TMEM230: variants seen among roughly 807,000 people sequenced by gnomAD.
The protein encoded by TMEM230 is UPF0414 transmembrane protein C20orf30.
A neutral mutation model predicts 15.8 loss-of-function variants in TMEM230; 10 were observed. That is an observed-to-expected ratio of 0.63 (90% CI 0.39 to 1.07). The LOEUF is 1.07. TMEM230 is among the 50% of genes least tolerant of loss of function. The probability of loss-of-function intolerance (pLI) is 0.01; values close to 1 mark genes in which losing one functional copy is unlikely to be tolerated. For missense variants in TMEM230, 165 were observed against 193.3 expected (o/e 0.85, Z 0.87); for synonymous variants, 67 against 76.9 (o/e 0.87, Z 0.68).
At chr20:5,060,323 G>A in the TMEM230 span, among the ~76,000 whole-genome samples, 1 of 146,130 alleles carries the variant, frequency 6.8e-6, no homozygotes, top group Non-Finnish European at 1.5e-5. Context: ...ATGTTATACA[G>A]TGTATTGTCT....
intron 3 of TMEM230, 87 bp downstream of exon 2, chr20:5,109,245 G>T: frequency 1.9e-6 from 2 of 1,054,770 alleles, no homozygotes; most frequent in Non-Finnish European, 2.8e-6. Flanking sequence ...CCCAAGGACA[G>T]TTAGCAAAAT....
chr20:5,106,325 G>C lies in TMEM230; in HGVS notation c.289-15C>G. ...GTTTTCTTAAACTGGAAGAGAAATA[G>C]AGATGAAAAAGACAACGAAGAACAT... is the stretch of plus-strand genomic sequence containing the variant. On this transcript the variant is annotated splice_polypyrimidine_tract_variant and intron_variant, in intron 3 of 4. Coordinates refer to ENST00000342308, the MANE Select transcript of TMEM230 (RefSeq NM_001009923.2). 2 of 1,587,564 alleles carry C rather than the reference G, an allele frequency of 1.3e-6. No homozygotes were observed. The highest frequency in any genetic ancestry group is 1.7e-6 in the Non-Finnish European group (2 of 1,171,522).
intron 1 of TMEM230, among the ~76,000 whole-genome samples, chr20:5,112,157 T>C (rs1311185698): frequency 1.3e-5 from 2 of 152,272 alleles, no homozygotes; most frequent in African/African-American, 2.4e-5. Flanking sequence ...CTGTTTTACG[T>C]GGCTTGCAGT....
chr20:5,101,422 C>CT (rs202121194), intron 4 of TMEM230, among the ~76,000 whole-genome samples: 1 of 151,988 alleles, frequency 6.6e-6, no homozygotes, highest in Non-Finnish European at 1.5e-5. Context: ...TTTTCTTTCT[C>CT]TTTTTTCTTT....
chr20:5,081,550 C>T (rs2089174931), intron 3 of TMEM230, among the ~76,000 whole-genome samples: 1 of 152,194 alleles, frequency 6.6e-6, no homozygotes, highest in Non-Finnish European at 1.5e-5. Context: ...ACACACGCCA[C>T]CTAAAGCTCC....
downstream of TMEM230, among the ~76,000 whole-genome samples, chr20:5,098,764 C>T (rs1279784167): frequency 6.6e-6 from 1 of 151,828 alleles, no homozygotes; most frequent in Non-Finnish European, 1.5e-5. Context: ...AAGAATATGA[C>T]TGATCTCCAT....
chr20:5,089,795 G>C (rs111433810), intron 3 of TMEM230, among the ~76,000 whole-genome samples: 1 of 152,012 alleles, frequency 6.6e-6, no homozygotes, highest in East Asian at 1.9e-4. Flanking sequence ...TTGGGAGGAC[G>C]AGACCTGAGG....
intron 3 of TMEM230, among the ~76,000 whole-genome samples, chr20:5,092,486 C>T (rs533232374): frequency 1.3e-5 from 2 of 152,108 alleles, no homozygotes; most frequent in African/African-American, 4.8e-5. Context: ...GGGAGGCCGA[C>T]GCAGGCGGAT....
downstream of TMEM230, among the ~76,000 whole-genome samples, chr20:5,096,062 C>G (rs1314510404): frequency 6.6e-6 from 1 of 152,198 alleles, no homozygotes; most frequent in African/African-American, 2.4e-5. Context: ...TCACACCCTC[C>G]GTCAGCAGCT....
chr20:5,090,715 CAATATT>C (rs1416768647), intron 3 of TMEM230, among the ~76,000 whole-genome samples: 3 of 139,558 alleles, frequency 2.1e-5, no homozygotes, highest in African/African-American at 5.0e-5. Flanking sequence ...TTAGCAATAT[CAATATT>C]AATATTGATC....
intron 3 of TMEM230, among the ~76,000 whole-genome samples, chr20:5,092,167 T>C (rs2089527235): frequency 6.6e-6 from 1 of 152,180 alleles, no homozygotes; most frequent in Admixed American, 6.5e-5. Context: ...GCTGGTCTGA[T>C]ACGATTGACA....
chr20:5,069,244 C>A lies in TMEM230; in HGVS notation c.328G>T (p.Gly110Ter), dbSNP rs1324449634. 6.5e-7 allele frequency: 1 copy of A among 1,536,010 alleles called. No homozygotes were observed. The highest frequency in any genetic ancestry group is 2.0e-5 in the Admixed American group (1 of 50,982). Residue 110 changes from glycine (G) to a stop codon, truncating the protein, a stop_gained, in exon 4 of 4, where the codon GGA becomes TGA. Transcript: ENST00000612323. LOFTEE classifies it high-confidence loss of function. Reference sequence around the variant, plus strand: ...CCTTCTGGAAGCCTTGAGCTGAGTCCTCCTTCGGGACTCCTCCCACTGATG... The same window carrying A: ...CCTTCTGGAAGCCTTGAGCTGAGTCATCCTTCGGGACTCCTCCCACTGATG...
intron 1 of TMEM230, among the ~76,000 whole-genome samples, chr20:5,112,156 G>C (rs549119445): frequency 6.6e-6 from 1 of 152,200 alleles, no homozygotes; most frequent in African/African-American, 2.4e-5. Context: ...ACTGTTTTAC[G>C]TGGCTTGCAG....
the TMEM230 span, among the ~76,000 whole-genome samples, chr20:5,062,181 C>T: frequency 6.6e-6 from 1 of 151,218 alleles, no homozygotes; most frequent in Non-Finnish European, 1.5e-5. Context: ...GAGATCGCAC[C>T]ATTGCACCCC....
intron 2 of TMEM230, chr20:5,111,069 C>G (rs1391334486): frequency 1.3e-5 from 2 of 151,630 alleles, no homozygotes; most frequent in African/African-American, 2.4e-5. Flanking sequence ...GTAATCCCAG[C>G]TATTTGGAAG....
In TMEM230 at chr20:5,069,795, C is replaced by T. The variant is rs11908045; in HGVS notation, c.223-446G>A. Among the ~76,000 whole-genome samples the T allele has an allele frequency of 8.3e-3, 1,267 of 152,152 alleles. 21 individuals carry two copies. The highest frequency in any genetic ancestry group is 0.029 in the African/African-American group (1,209 of 41,490). On this transcript the variant is annotated intron_variant, in intron 3 of 3. Coordinates refer to the TMEM230 transcript ENST00000612323. ...CACCATCTCGGCTCACTGCAACCTCCGCCTCCAGGGTTCAAGTGATTCTTG... is the reference window on the plus strand; with the variant it reads ...CACCATCTCGGCTCACTGCAACCTCTGCCTCCAGGGTTCAAGTGATTCTTG...
intron 4 of TMEM230, among the ~76,000 whole-genome samples, chr20:5,105,298 ATATG>A (rs749794816): frequency 5.3e-5 from 8 of 151,742 alleles, no homozygotes; most frequent in Non-Finnish European, 1.2e-4. Context: ...AAATATATAT[ATATG>A]TATGTATGTA....
chr20:5,107,525 ACTTTT>A (rs895013444), intron 3 of TMEM230, among the ~76,000 whole-genome samples: 7 of 152,180 alleles, frequency 4.6e-5, no homozygotes, highest in Non-Finnish European at 1.0e-4. Context: ...ATCATAAGAA[ACTTTT>A]CTTTAAAACA....
intron 3 of TMEM230, among the ~76,000 whole-genome samples, chr20:5,079,668 C>T (rs1186682426): frequency 6.6e-6 from 1 of 152,098 alleles, no homozygotes; most frequent in African/African-American, 2.4e-5. Flanking sequence ...ATAATCTTTC[C>T]ATCTCCTGGG....
Sources: gnomAD v4.1 joint callset for allele counts (sites outside exome capture counted in the v4.1 genomes callset) on GRCh38, gnomAD v4.1.1 for gene constraint, MANE v1.5 for transcripts, NCBI Gene and HGNC (gene_info 2026-07-23, HGNC 2026-07-21) for gene names.